PRKG1: variants seen among roughly 807,000 people sequenced by gnomAD.
PRKG1 encodes protein kinase cGMP-dependent 1.
PRKG1 carries 35 observed loss-of-function variants against 88.1 expected under a neutral mutation model. The observed-to-expected ratio is 0.40, with a 90% CI of 0.30 to 0.53. The LOEUF is 0.53. PRKG1 is among the 20% of genes least tolerant of loss of function. PRKG1 has a pLI of 0.59. For missense variants in PRKG1, 540 were observed against 839.8 expected (o/e 0.64, Z 4.41); for synonymous variants, 303 against 292.5 (o/e 1.04, Z -0.37).
chr10:52,082,728 A>G (rs550276500), intron 7 of PRKG1, among the ~76,000 whole-genome samples: 1 of 152,176 alleles, frequency 6.6e-6, no homozygotes, highest in Admixed American at 6.6e-5. Context: ...TTGCCTGCCC[A>G]TTTATCCAAA....
Position 51,138,304 on chromosome 10 carries a change from T to A in PRKG1, c.312-14860T>A, listed in dbSNP as rs1564614614. On this transcript the variant is annotated intron_variant, in intron 1 of 17. Transcript: ENST00000373980. Reference sequence around the variant, plus strand: ...AACCTTAATGATCCTCATGGTGCAGTCATTCTTCTGAATGGTGTCATTTAT... The same window carrying A: ...AACCTTAATGATCCTCATGGTGCAGACATTCTTCTGAATGGTGTCATTTAT... 1.3e-5 allele frequency among the ~76,000 whole-genome samples: 2 copies of A among 152,186 alleles called. 1 individual carries two copies. The highest frequency in any genetic ancestry group is 3.9e-4 in the East Asian group (2 of 5,190).
chr10:51,941,446 AT>A (rs1842904518), intron 5 of PRKG1, among the ~76,000 whole-genome samples: 1 of 151,448 alleles, frequency 6.6e-6, no homozygotes, highest in Non-Finnish European at 1.5e-5. Context: ...ATGTTTTTTT[AT>A]TATTTTATTT....
chr10:51,525,091 G>A (rs1313396095), intron 3 of PRKG1, among the ~76,000 whole-genome samples: 2 of 151,786 alleles, frequency 1.3e-5, no homozygotes, highest in Non-Finnish European at 2.9e-5. Flanking sequence ...ATCACACAAA[G>A]GATGAGAGAA....
chr10:52,155,184 AG>A (rs1215043647), intron 8 of PRKG1, among the ~76,000 whole-genome samples: 6 of 26,490 alleles, frequency 2.3e-4, no homozygotes, highest in South Asian at 0.014. Context: ...CTGAAATCCC[AG>A]TACTACTTTA....
At chr10:52,012,865 G>GATT (rs1844928048) in intron 5 of PRKG1, among the ~76,000 whole-genome samples, 1 of 152,180 alleles carries the variant, frequency 6.6e-6, no homozygotes, top group African/African-American at 2.4e-5. Flanking sequence ...TGTGAGATGT[G>GATT]ATTATATTCA....
intron 3 of PRKG1, among the ~76,000 whole-genome samples, chr10:51,721,099 G>T (rs1842001061): frequency 6.6e-6 from 1 of 151,622 alleles, no homozygotes; most frequent in African/African-American, 2.4e-5. Flanking sequence ...TGTAGTCCCG[G>T]CTAACTACAA....
intron 2 of PRKG1, among the ~76,000 whole-genome samples, chr10:51,216,591 G>C (rs1318840116): frequency 6.6e-6 from 1 of 152,166 alleles, no homozygotes; most frequent in African/African-American, 2.4e-5. Flanking sequence ...ACTTAAGACA[G>C]TAACTGGCAC....
chr10:51,563,335 G>GA, intron 3 of PRKG1, among the ~76,000 whole-genome samples: 1 of 152,190 alleles, frequency 6.6e-6, no homozygotes, highest in Middle Eastern at 3.4e-3. Context: ...ATAAATGTTT[G>GA]AGATATTGAA....
chr10:51,954,092 C>T (rs1460813945), intron 5 of PRKG1, among the ~76,000 whole-genome samples: 1 of 152,100 alleles, frequency 6.6e-6, no homozygotes, highest in East Asian at 1.9e-4. Flanking sequence ...CCAGTGGAAT[C>T]ATAAGTGCAT....
At chr10:51,463,505 C>T (rs923388945) in intron 2 of PRKG1, among the ~76,000 whole-genome samples, 3 of 152,090 alleles carry the variant, frequency 2.0e-5, no homozygotes, top group Non-Finnish European at 4.4e-5. Context: ...GAAAAAAAGA[C>T]ACAACTCCTT....
At chr10:51,214,996 C>T (rs1469012370) in intron 2 of PRKG1, among the ~76,000 whole-genome samples, 2 of 152,152 alleles carry the variant, frequency 1.3e-5, no homozygotes, top group Admixed American at 6.5e-5. Context: ...GACCTTGTCA[C>T]TTCTACCCTC....
chr10:51,754,723 G>T (rs1157704350), intron 3 of PRKG1, among the ~76,000 whole-genome samples: 2 of 152,142 alleles, frequency 1.3e-5, no homozygotes, highest in African/African-American at 4.8e-5. Flanking sequence ...GCTGCCTTCT[G>T]CCATTTAAAG....
At chr10:52,171,785 AATTT>A (rs1282424501) in intron 9 of PRKG1, among the ~76,000 whole-genome samples, 84 of 122,672 alleles carry the variant, frequency 6.8e-4, no homozygotes, top group Non-Finnish European at 7.7e-4. Context: ...CTTTTATCAA[AATTT>A]TTTTTTTTTT....
chr10:51,268,142 G>T (rs983420686), intron 2 of PRKG1, among the ~76,000 whole-genome samples: 1 of 152,160 alleles, frequency 6.6e-6, no homozygotes, highest in Non-Finnish European at 1.5e-5. Context: ...TTTTCAAAAG[G>T]GGAGGGAGTG....
chr10:51,902,290 A>G (rs1841997469), intron 4 of PRKG1, among the ~76,000 whole-genome samples: 1 of 151,760 alleles, frequency 6.6e-6, no homozygotes, highest in South Asian at 2.1e-4. Context: ...CTAATTTTGT[A>G]TTTTTAGTAG....
intron 5 of PRKG1, among the ~76,000 whole-genome samples, chr10:51,970,498 A>C (rs1843682549): frequency 6.6e-6 from 1 of 151,442 alleles, no homozygotes; most frequent in Non-Finnish European, 1.5e-5. Flanking sequence ...AATTTCGAAC[A>C]GATAAAAAGA....
At chr10:51,716,255 G>A (rs573277161) in intron 3 of PRKG1, among the ~76,000 whole-genome samples, 10 of 152,278 alleles carry the variant, frequency 6.6e-5, no homozygotes, top group East Asian at 5.8e-4. Context: ...CTATCAAGCC[G>A]AAACCTGGCT....
chr10:51,017,935 A>G (rs1015517944), intron 1 of PRKG1, among the ~76,000 whole-genome samples: 2 of 151,878 alleles, frequency 1.3e-5, no homozygotes, highest in African/African-American at 4.8e-5. Flanking sequence ...AGTAGGTGGG[A>G]CCACAGGTGC....
chr10:52,151,382 A>G (rs927248188), intron 8 of PRKG1, among the ~76,000 whole-genome samples: 12 of 152,220 alleles, frequency 7.9e-5, no homozygotes, highest in African/African-American at 2.7e-4. Context: ...ACATAATTCT[A>G]TCACAAAATG....
Sources: allele counts gnomAD v4.1 joint callset (sites outside exome capture counted in the v4.1 genomes callset), GRCh38; gene constraint gnomAD v4.1.1; transcripts MANE v1.5; gene names NCBI Gene and HGNC (gene_info 2026-07-23, HGNC 2026-07-21).